FAF1: variants seen among roughly 807,000 people sequenced by gnomAD.
The protein encoded by FAF1 is Fas associated factor 1, also known as FAS-associated factor 1.
FAF1 carries 25 observed loss-of-function variants against 92.5 expected under a neutral mutation model. That is an observed-to-expected ratio of 0.27 (90% CI 0.20 to 0.38). The LOEUF (loss-of-function observed/expected upper bound fraction) is 0.38. Among genes scored for constraint, FAF1 ranks in the 10% least tolerant of loss-of-function variants. The pLI, the probability that FAF1 is intolerant of heterozygous loss-of-function variation, is 1.00. For synonymous variants in FAF1, 234 were observed against 273.2 expected (o/e 0.86, Z 1.42); for missense variants, 636 against 793.3 (o/e 0.80, Z 2.38).
intron 1 of FAF1, among the ~76,000 whole-genome samples, chr1:50,947,528 G>T (rs528195392): frequency 5.2e-4 from 79 of 152,344 alleles, no homozygotes; most frequent in Non-Finnish European, 9.1e-4. Context: ...AATGACTAGT[G>T]ATTTAACATG....
chr1:50,644,699 C>T lies in FAF1; in HGVS notation c.744+10743G>A, dbSNP rs181816031. 1.4e-3 allele frequency among the ~76,000 whole-genome samples: 212 copies of T among 152,340 alleles called. 1 individual carries two copies. The highest frequency in any genetic ancestry group is 2.1e-3 in the Non-Finnish European group (142 of 68,034). Reference sequence around the variant, plus strand: ...GAACTCTTGTTTCCTTCTTCAGAGTCCTGTTGGCTAATATCTGAAAACAGT... The same window carrying T: ...GAACTCTTGTTTCCTTCTTCAGAGTTCTGTTGGCTAATATCTGAAAACAGT... On this transcript the variant is annotated intron_variant, in intron 8 of 18. Coordinates refer to ENST00000396153, the MANE Select transcript of FAF1 (RefSeq NM_007051.3).
intron 17 of FAF1, among the ~76,000 whole-genome samples, chr1:50,482,315 T>G (rs1572773882): frequency 6.6e-6 from 1 of 152,238 alleles, no homozygotes; most frequent in East Asian, 1.9e-4. Context: ...TTCTATTTAT[T>G]GCTGAGTAGT....
chr1:50,699,704 C>A (rs1409241311), intron 7 of FAF1, among the ~76,000 whole-genome samples: 2 of 152,046 alleles, frequency 1.3e-5, no homozygotes, highest in East Asian at 1.9e-4. Context: ...TGCTTCAATG[C>A]CATTAGAATG....
chr1:50,846,624 C>A, intron 2 of FAF1: 2 of 530,460 alleles, frequency 3.8e-6, no homozygotes, highest in Non-Finnish European at 7.4e-6. Flanking sequence ...AAGATCTCCA[C>A]CCACAATCAG....
At chr1:50,642,529 A>G (rs1029087878) in intron 8 of FAF1, among the ~76,000 whole-genome samples, 46 of 151,644 alleles carry the variant, frequency 3.0e-4, no homozygotes, top group South Asian at 2.1e-4. Context: ...TATGCCTGTA[A>G]TCCCAGCTAC....
chr1:50,616,065 T>C (rs1557436870), intron 8 of FAF1, among the ~76,000 whole-genome samples: 1 of 152,220 alleles, frequency 6.6e-6, no homozygotes, highest in Non-Finnish European at 1.5e-5. Flanking sequence ...GTTCCATTCC[T>C]TTGCATATGG....
chr1:50,526,004 T>A (rs1647775690), intron 15 of FAF1, among the ~76,000 whole-genome samples: 1 of 152,220 alleles, frequency 6.6e-6, no homozygotes, highest in Non-Finnish European at 1.5e-5. Flanking sequence ...ATTTTTAAGA[T>A]CATAACTTTT....
intron 6 of FAF1, among the ~76,000 whole-genome samples, chr1:50,728,452 G>C (rs575156606): frequency 6.6e-6 from 1 of 152,286 alleles, no homozygotes; most frequent in South Asian, 2.1e-4. Context: ...GTCTTTTATA[G>C]GTCCCAGTAA....
intron 6 of FAF1, among the ~76,000 whole-genome samples, chr1:50,735,566 C>T (rs1173915825): frequency 6.6e-6 from 1 of 152,154 alleles, no homozygotes; most frequent in Non-Finnish European, 1.5e-5. Context: ...CAGGCACCCC[C>T]TAGTGGCAGT....
intron 15 of FAF1, among the ~76,000 whole-genome samples, chr1:50,521,551 CT>C (rs1647499702): frequency 6.6e-6 from 1 of 152,110 alleles, no homozygotes; most frequent in African/African-American, 2.4e-5. Context: ...AAGATGGCTA[CT>C]TTTTAAATGT....
intron 1 of FAF1, among the ~76,000 whole-genome samples, chr1:50,958,460 G>A (rs568108476): frequency 6.6e-6 from 1 of 152,066 alleles, no homozygotes; most frequent in African/African-American, 2.4e-5. Context: ...GGTGGATCAC[G>A]AGGTCAGGAG....
chr1:50,580,256 T>C (rs969131425), intron 12 of FAF1, among the ~76,000 whole-genome samples: 5 of 151,868 alleles, frequency 3.3e-5, no homozygotes, highest in African/African-American at 4.8e-5. Context: ...CCAGTCAACA[T>C]TTGTCATTTT....
chr1:50,710,637 C>T (rs565509232), intron 6 of FAF1, among the ~76,000 whole-genome samples: 1 of 151,818 alleles, frequency 6.6e-6, no homozygotes, highest in East Asian at 1.9e-4. Context: ...GAGTCTCGCT[C>T]TGTCACCCAG....
At position 50,440,189 on chromosome 1, in the gene FAF1, T is replaced by C. The variant is rs1462232425; in HGVS notation, c.*1251A>G. On this transcript the variant is annotated 3_prime_UTR_variant, in exon 19 of 19. Transcript: ENST00000396153. Reference sequence around the variant, plus strand: ...TGACACAAAAACAGATATGGAGAAATATTTCAAGACTAAAAATAAATCATT... The same window carrying C: ...TGACACAAAAACAGATATGGAGAAACATTTCAAGACTAAAAATAAATCATT... The C allele has an allele frequency of 2.6e-5, 4 of 152,110 alleles. No homozygotes were observed. Among genetic ancestry groups the C allele is most frequent in the Non-Finnish European group, 5.9e-5 (4 of 68,018 alleles). The allele number at this position is 152,110 out of a possible 1,614,324, so 9.4% of individuals were successfully genotyped here. A position where few individuals can be genotyped will look rare whatever the true frequency, so the allele number is the denominator to read the frequency against.
intron 1 of FAF1, among the ~76,000 whole-genome samples, chr1:50,897,300 A>G (rs1466759531): frequency 6.6e-6 from 1 of 152,198 alleles, no homozygotes; most frequent in Non-Finnish European, 1.5e-5. Flanking sequence ...TTAATACACC[A>G]CTTATCCAAT....
chr1:50,516,482 T>A (rs1046427507), intron 15 of FAF1, among the ~76,000 whole-genome samples: 1 of 152,198 alleles, frequency 6.6e-6, no homozygotes, highest in Non-Finnish European at 1.5e-5. Context: ...AGACACTGAA[T>A]GAATTTTTCT....
At chr1:50,769,242 C>A (rs887051848) in intron 4 of FAF1, among the ~76,000 whole-genome samples, 2 of 152,050 alleles carry the variant, frequency 1.3e-5, no homozygotes, top group Non-Finnish European at 2.9e-5. Flanking sequence ...CAAGATTGGA[C>A]CAGGAAGAAA....
intron 18 of FAF1, among the ~76,000 whole-genome samples, chr1:50,468,459 A>ATTTTTTTT (rs370937786): frequency 7.6e-6 from 1 of 130,722 alleles, no homozygotes; most frequent in Non-Finnish European, 1.6e-5. Context: ...CACTTGGCTA[A>ATTTTTTTT]TTTTTTTTTT....
At chr1:50,902,682 G>A (rs1557582005) in intron 1 of FAF1, among the ~76,000 whole-genome samples, 2 of 152,022 alleles carry the variant, frequency 1.3e-5, no homozygotes, top group Non-Finnish European at 1.5e-5. Context: ...CTATAAAATG[G>A]CATAGTATTT....
Sources: gnomAD v4.1 joint callset for allele counts (sites outside exome capture counted in the v4.1 genomes callset) on GRCh38, gnomAD v4.1.1 for gene constraint, MANE v1.5 for transcripts, NCBI Gene and HGNC (gene_info 2026-07-23, HGNC 2026-07-21) for gene names.